The following LIPF variants were observed in gnomAD, a reference collection of about 807,000 sequenced individuals.
LIPF encodes lipase F, gastric type, also known as gastric triacylglycerol lipase.
In LIPF, 25 loss-of-function variants were observed where a neutral mutation model predicts 38.0. The observed-to-expected ratio is 0.66, with a 90% CI of 0.48 to 0.92. The LOEUF (loss-of-function observed/expected upper bound fraction) is 0.92. Among genes scored for constraint, LIPF ranks in the 40% least tolerant of loss-of-function variants. The pLI is 0.00. For synonymous variants in LIPF, 161 were observed against 156.2 expected, an observed-to-expected ratio of 1.03 and a Z score of -0.23; for missense variants, 410 against 469.9, an observed-to-expected ratio of 0.87 and a Z score of 1.18.
At position 88,678,591 on chromosome 10, in the gene LIPF, T is replaced by G. The variant is rs767621991; in HGVS notation, c.1107T>G (p.Phe369Leu). 1.9e-6 allele frequency: 3 copies of G among 1,613,950 alleles called. No homozygotes were observed. The South Asian group carries it at 3.3e-5, about 18-fold the overall frequency. Residue 369 changes from phenylalanine to leucine, a missense_variant, in exon 10 of 10, where the codon TTT becomes TTG. Coordinates refer to ENST00000238983, the MANE Select transcript of LIPF (RefSeq NM_004190.4). ...PNLIYHKEIP[F>L]YNHLDFIWAM... ...TTATTTACCACAAGGAGATTCCTTT[T>G]TACAATCACTTGGACTTTATCTGGG... is the stretch of plus-strand genomic sequence containing the variant.
chr10:88,671,404 C>A (rs1841594227), intron 5 of LIPF, among the ~76,000 whole-genome samples: 1 of 152,136 alleles, frequency 6.6e-6, no homozygotes, highest in South Asian at 2.1e-4. Flanking sequence ...TGAGTTTGGT[C>A]ATATTTAAAT....
At chr10:88,667,148 T>C in intron 1 of LIPF, 139 bp from the exon 2 acceptor site, 1 of 550,284 alleles carries the variant, frequency 1.8e-6, no homozygotes, top group Non-Finnish European at 3.2e-6. Flanking sequence ...GACATCCATA[T>C]GTCTCATTTT....
rs767280430 is a variant in LIPF, at chr10:88,676,262, T to C, written c.942T>C (p.Asn314=). ...ATGACTGGGGAAGCCCAGTTCAGAA[T>C]AGGATGCACTATGATCAGGTAAGCT... ...QAYDWGSPVQ[N]RMHYDQSQPP... The change falls in exon 9 of 10, where the codon AAT becomes AAC. Residue 314 remains asparagine (N), a synonymous_variant. Coordinates refer to ENST00000238983, the MANE Select transcript of LIPF (RefSeq NM_004190.4). 1.3e-5 allele frequency: 21 copies of C among 1,605,142 alleles called. No individual in the cohort carries two copies. The highest frequency in any genetic ancestry group is 1.6e-4 in the Middle Eastern group (1 of 6,062).
At chr10:88,667,200 T>C (rs1462318372) in intron 1 of LIPF, 87 bp from the exon 2 acceptor site, 1 of 718,570 alleles carries the variant, frequency 1.4e-6, no homozygotes, top group Non-Finnish European at 2.4e-6. Context: ...ATTCCTCTAC[T>C]TAGCACAAAG....
Position 88,671,877 on chromosome 10 carries a change from CCTT to C in LIPF, c.584_586del (p.Phe195del), listed in dbSNP as rs749749835. The C allele has an allele frequency of 1.2e-6, 2 of 1,613,256 alleles. No homozygotes were observed. The highest frequency in any genetic ancestry group is 2.7e-5 in the African/African-American group (2 of 74,886). On this transcript the variant is annotated inframe_deletion, in exon 6 of 10. Transcript: ENST00000238983. ...CCCAGCCTGGCTAAAAGAATCAAAA[CCTT>C]CTATGCTCTAGCTCCTGTTGCCACT...
intron 1 of LIPF, chr10:88,665,702 A>C (rs947492214): frequency 1.6e-5 from 10 of 614,450 alleles, no homozygotes; most frequent in Non-Finnish European, 2.9e-5. Flanking sequence ...TCTTCCTAAA[A>C]TATCACGGTA....
chr10:88,672,071 T>C (rs573498586), intron 6 of LIPF, 106 bp downstream of exon 6: 2 of 1,093,304 alleles, frequency 1.8e-6, no homozygotes, highest in South Asian at 1.9e-5. Flanking sequence ...ATCATTTTTA[T>C]ATCCAAAAAT....
intron 9 of LIPF, among the ~76,000 whole-genome samples, chr10:88,676,988 T>A (rs948295294): frequency 6.6e-6 from 1 of 152,188 alleles, no homozygotes; most frequent in Non-Finnish European, 1.5e-5. Flanking sequence ...CACTGACTAT[T>A]TTTGAACAAG....
chr10:88,674,181 C>A (rs1295585329), intron 7 of LIPF, among the ~76,000 whole-genome samples: 2 of 149,078 alleles, frequency 1.3e-5, no homozygotes, highest in African/African-American at 5.1e-5. Flanking sequence ...TGCCCATATT[C>A]TTTTTTTGAG....
chr10:88,667,545 A>C (rs776350284), intron 2 of LIPF, 24 bp from the exon 3 acceptor site: 2 of 1,324,080 alleles, frequency 1.5e-6, no homozygotes, highest in South Asian at 2.5e-5. Flanking sequence ...ACTAAAATTT[A>C]AACTTTTGGG....
intron 7 of LIPF, among the ~76,000 whole-genome samples, chr10:88,674,607 G>A (rs920228551): frequency 6.6e-6 from 1 of 152,226 alleles, no homozygotes; most frequent in Non-Finnish European, 1.5e-5. Flanking sequence ...ATTTGGAACT[G>A]ACTTAAACGT....
chr10:88,672,522 A>C (rs1841615084), intron 6 of LIPF, among the ~76,000 whole-genome samples: 1 of 152,080 alleles, frequency 6.6e-6, no homozygotes, highest in Admixed American at 6.6e-5. Context: ...GATTTCAATA[A>C]ATTATAAATA....
chr10:88,670,852 G>C (rs1229406), intron 5 of LIPF, among the ~76,000 whole-genome samples: 21,227 of 152,134 alleles, frequency 0.14, 1,841 homozygotes, highest in East Asian at 0.31. Flanking sequence ...GGGCAAAGAG[G>C]CAGGAGCAGA....
chr10:88,669,975 T>C (rs1299542640), intron 5 of LIPF, 29 bp downstream of exon 5: 19 of 1,435,956 alleles, frequency 1.3e-5, no homozygotes, highest in South Asian at 9.4e-5. Flanking sequence ...GGCCAAGTGG[T>C]TTACTTCTCA....
intron 3 of LIPF, 114 bp from the exon 4 acceptor site, chr10:88,668,444 A>G (rs997898133): frequency 5.6e-6 from 5 of 889,814 alleles, no homozygotes; most frequent in Non-Finnish European, 8.5e-6. Flanking sequence ...AAAATAATCA[A>G]CTCAATCAGG....
At chr10:88,674,677 T>A (rs938574237) in intron 7 of LIPF, among the ~76,000 whole-genome samples, 4 of 152,362 alleles carry the variant, frequency 2.6e-5, no homozygotes, top group African/African-American at 9.6e-5. Context: ...TGAGCTAGTA[T>A]GTTTAAAGCA....
intron 6 of LIPF, among the ~76,000 whole-genome samples, chr10:88,672,918 C>G (rs907657007): frequency 1.3e-5 from 2 of 152,008 alleles, no homozygotes; most frequent in African/African-American, 4.8e-5. Context: ...AACTTATTTC[C>G]TACTCATACT....
At chr10:88,670,349 G>A (rs917659955) in intron 5 of LIPF, among the ~76,000 whole-genome samples, 6 of 152,262 alleles carry the variant, frequency 3.9e-5, no homozygotes, top group Admixed American at 1.3e-4. Flanking sequence ...CTAGAGATAG[G>A]AGGCAGAGAA....
At position 88,673,753 on chromosome 10, in the gene LIPF, T is replaced by A; in HGVS notation, c.816+19T>A. The A allele has an allele frequency of 6.3e-7, 1 of 1,596,284 alleles. No homozygotes were observed. The highest frequency in any genetic ancestry group is 2.2e-5 in the East Asian group (1 of 44,728). On this transcript the variant is annotated intron_variant, in intron 7 of 9. Coordinates refer to ENST00000238983, the MANE Select transcript of LIPF (RefSeq NM_004190.4). ...TAACACGGTTAGTATGCATTTCAAT[T>A]TCTATATTTTGAGCAACATCTTTGA...
Sources: gnomAD v4.1 joint callset for allele counts (sites outside exome capture counted in the v4.1 genomes callset) on GRCh38, gnomAD v4.1.1 for gene constraint, MANE v1.5 for transcripts, NCBI Gene and HGNC (gene_info 2026-07-23, HGNC 2026-07-21) for gene names.